Variants in THSD7A observed in about 807,000 individuals in gnomAD.
THSD7A encodes thrombospondin type-1 domain-containing protein 7A.
In THSD7A, 96 loss-of-function variants were observed where a neutral mutation model predicts 231.3. The observed-to-expected ratio is 0.41, with a 90% CI of 0.35 to 0.49. The LOEUF (loss-of-function observed/expected upper bound fraction) is 0.49, where lower values mean the gene tolerates loss of function less well. THSD7A is among the 20% of genes least tolerant of loss of function. The pLI is 0.05. For synonymous variants in THSD7A, 940 were observed against 743.3 expected (o/e 1.26, Z -4.30); for missense variants, 2,290 against 2,070.2 (o/e 1.11, Z -2.06).
intron 4 of THSD7A, among the ~76,000 whole-genome samples, chr7:11,582,025 G>T (rs1026707102): frequency 2.6e-5 from 4 of 151,874 alleles, no homozygotes; most frequent in Non-Finnish European, 5.9e-5. Flanking sequence ...GCAGTTTATA[G>T]TTAGAACAAA....
intron 4 of THSD7A, among the ~76,000 whole-genome samples, chr7:11,562,729 T>C (rs1396836138): frequency 6.6e-6 from 1 of 152,202 alleles, no homozygotes; most frequent in Non-Finnish European, 1.5e-5. Context: ...TTTTATTTTT[T>C]TTAAATTTTT....
intron 1 of THSD7A, among the ~76,000 whole-genome samples, chr7:11,750,182 A>T (rs1782452054): frequency 6.6e-6 from 1 of 151,894 alleles, no homozygotes; most frequent in African/African-American, 2.4e-5. Context: ...CGATGAGACA[A>T]GCATGTAGCA....
chr7:11,593,147 T>A (rs1780230140), intron 3 of THSD7A, 107 bp downstream of exon 3: 1 of 1,422,786 alleles, frequency 7.0e-7, no homozygotes, highest in Non-Finnish European at 9.3e-7. Context: ...TGTAAAGATA[T>A]TTTTTATGTG....
chr7:11,459,665 ATTTTTTTTTTTTTTTTTTT>A lies in THSD7A; in HGVS notation c.2605+978_2605+996del, dbSNP rs34415355. On this transcript the variant is annotated intron_variant, in intron 11 of 27. Coordinates refer to ENST00000423059, the MANE Select transcript of THSD7A (RefSeq NM_015204.3). ...AAAAGGAAGATTATAAAAACAGGGG[ATTTTTTTTTTTTTTTTTTT>A]TTTTTTTTTTTTTTTTTACAAAACA... Among the ~76,000 whole-genome samples the A allele has an allele frequency of 1.1e-3, 43 of 39,918 alleles. 1 individual carries two copies. Among genetic ancestry groups the A allele is most frequent in the Admixed American group, 2.6e-3 (6 of 2,308 alleles). 26.2% of individuals were successfully genotyped at this position (39,918 alleles called of 152,430 possible). A position where few individuals can be genotyped will look rare whatever the true frequency, so the allele number is the denominator to read the frequency against.
rs140532018 is a variant in THSD7A, at chr7:11,725,550, G to T, written c.191-88589C>A. On this transcript the variant is annotated intron_variant, in intron 1 of 27. Coordinates refer to ENST00000423059, the MANE Select transcript of THSD7A (RefSeq NM_015204.3). ...CAGATGAAAAAGCGAAATGTCAATA[G>T]GACCATATAAAAACAGAAAATGATT... Among the ~76,000 whole-genome samples the T allele has an allele frequency of 1.1e-3, 167 of 151,994 alleles. 1 individual carries two copies. Among genetic ancestry groups the T allele is most frequent in the Middle Eastern group, 3.4e-3 (1 of 294 alleles).
chr7:11,644,559 G>A (rs1468647393), intron 1 of THSD7A, among the ~76,000 whole-genome samples: 1 of 151,852 alleles, frequency 6.6e-6, no homozygotes, highest in Non-Finnish European at 1.5e-5. Flanking sequence ...GATCACTGTA[G>A]ATGTCAAGCT....
intron 1 of THSD7A, among the ~76,000 whole-genome samples, chr7:11,713,357 T>C (rs1781027348): frequency 6.6e-6 from 1 of 151,236 alleles, no homozygotes; most frequent in Non-Finnish European, 1.5e-5. Context: ...TTTCTTAGCT[T>C]GGCTAGGATA....
chr7:11,539,749 T>C (rs1287804335), intron 6 of THSD7A, among the ~76,000 whole-genome samples: 1 of 152,240 alleles, frequency 6.6e-6, no homozygotes, highest in Non-Finnish European at 1.5e-5. Flanking sequence ...AGGAAGATCA[T>C]TGTACTAAGT....
chr7:11,807,347 C>T (rs574661744), intron 1 of THSD7A, among the ~76,000 whole-genome samples: 3 of 152,128 alleles, frequency 2.0e-5, no homozygotes, highest in Non-Finnish European at 4.4e-5. Flanking sequence ...GTAGCAATAA[C>T]ACCCTGAAGT....
chr7:11,598,095 T>A (rs1302883984), intron 2 of THSD7A, among the ~76,000 whole-genome samples: 1 of 152,180 alleles, frequency 6.6e-6, no homozygotes, highest in African/African-American at 2.4e-5. Flanking sequence ...ATCTTACCAG[T>A]GAGCAGAACT....
intron 23 of THSD7A, among the ~76,000 whole-genome samples, chr7:11,399,077 A>G (rs1393877930): frequency 2.0e-5 from 3 of 152,220 alleles, no homozygotes; most frequent in African/African-American, 7.2e-5. Flanking sequence ...TGTGGCTATC[A>G]TAACTGGTAT....
chr7:11,470,340 AATT>A (rs1785886799), intron 8 of THSD7A, among the ~76,000 whole-genome samples: 1 of 152,032 alleles, frequency 6.6e-6, no homozygotes, highest in African/African-American at 2.4e-5. Context: ...TGAAAATTTA[AATT>A]ATTAATTTAA....
rs369468525 is a variant in THSD7A at position 11,379,716 on chromosome 7, C to A, written c.4508-4G>T. On this transcript the variant is annotated splice_polypyrimidine_tract_variant and splice_region_variant and intron_variant, in intron 24 of 27. Transcript: ENST00000423059. ...TGGCTCATCACCAAGCAGCCCCCTG[C>A]GGAACAGAAAATCATGTTTTGACAA... 1.3e-6 allele frequency: 2 copies of A among 1,580,082 alleles called. No homozygotes were observed.
At chr7:11,742,196 G>A (rs991962882) in intron 1 of THSD7A, among the ~76,000 whole-genome samples, 2 of 151,964 alleles carry the variant, frequency 1.3e-5, no homozygotes, top group African/African-American at 4.8e-5. Context: ...TTCAGAGGCA[G>A]TATAAGAACA....
At chr7:11,827,462 C>T (rs986703248) in intron 1 of THSD7A, among the ~76,000 whole-genome samples, 6 of 152,026 alleles carry the variant, frequency 3.9e-5, no homozygotes, top group African/African-American at 1.4e-4. Context: ...TTTTAAAATA[C>T]TTTTTGCCAC....
chr7:11,660,227 T>C (rs764600736), intron 1 of THSD7A, among the ~76,000 whole-genome samples: 1 of 151,550 alleles, frequency 6.6e-6, no homozygotes, highest in Non-Finnish European at 1.5e-5. Context: ...GCACTGGATA[T>C]TCTCTGATGT....
intron 1 of THSD7A, among the ~76,000 whole-genome samples, chr7:11,714,615 G>A (rs1489124903): frequency 2.0e-5 from 3 of 151,072 alleles, no homozygotes; most frequent in Non-Finnish European, 3.0e-5. Flanking sequence ...TCTCACCCTT[G>A]TTTTCTTAAG....
chr7:11,665,840 C>T (rs28535493), intron 1 of THSD7A, among the ~76,000 whole-genome samples: 66,957 of 151,766 alleles, frequency 0.44, 14,987 homozygotes, highest in East Asian at 0.52. Flanking sequence ...AATGAATTTG[C>T]ATATAGAATG....
intron 2 of THSD7A, among the ~76,000 whole-genome samples, chr7:11,619,325 T>C (rs780664836): frequency 6.6e-6 from 1 of 151,960 alleles, no homozygotes; most frequent in Non-Finnish European, 1.5e-5. Context: ...TAAATCTTGA[T>C]ATGATTTATG....
Sources: gnomAD v4.1 joint callset for allele counts (sites outside exome capture counted in the v4.1 genomes callset) on GRCh38, gnomAD v4.1.1 for gene constraint, MANE v1.5 for transcripts, NCBI Gene and HGNC (gene_info 2026-07-23, HGNC 2026-07-21) for gene names.